The following FARS2 variants were observed in gnomAD, a reference collection of about 807,000 sequenced individuals.
The protein encoded by FARS2 is phenylalanine--tRNA ligase, mitochondrial.
FARS2 carries 40 observed loss-of-function variants against 46.4 expected under a neutral mutation model. That is an observed-to-expected ratio of 0.86 (90% CI 0.67 to 1.12). The LOEUF (loss-of-function observed/expected upper bound fraction) is 1.12. FARS2 is among the 50% of genes most tolerant of loss of function. The pLI is 0.00. For missense variants in FARS2, 513 were observed against 567.9 expected, an observed-to-expected ratio of 0.90 and a Z score of 0.98; for synonymous variants, 234 against 214.9, an observed-to-expected ratio of 1.09 and a Z score of -0.78.
chr6:5,647,813 C>A (rs1162198353), intron 6 of FARS2, among the ~76,000 whole-genome samples: 1 of 152,208 alleles, frequency 6.6e-6, no homozygotes, highest in Non-Finnish European at 1.5e-5. Flanking sequence ...GTGACCCAAA[C>A]CGCTTTCTAA....
chr6:5,412,357 G>A (rs1361445985), intron 3 of FARS2, among the ~76,000 whole-genome samples: 1 of 152,232 alleles, frequency 6.6e-6, no homozygotes, highest in Non-Finnish European at 1.5e-5. Flanking sequence ...CTCTGGCAAG[G>A]TAAAGGCTTC....
intron 1 of FARS2, among the ~76,000 whole-genome samples, chr6:5,266,733 C>G (rs1486016113): frequency 6.6e-6 from 1 of 152,108 alleles, no homozygotes; most frequent in Non-Finnish European, 1.5e-5. Flanking sequence ...TAGTTGGATT[C>G]TCACTTATTT....
chr6:5,767,053 A>G (rs1446770146), intron 6 of FARS2, among the ~76,000 whole-genome samples: 1 of 151,580 alleles, frequency 6.6e-6, no homozygotes. Context: ...TTGTTAATCC[A>G]TCCAAAAAAA....
intron 1 of FARS2, among the ~76,000 whole-genome samples, chr6:5,269,809 G>A (rs1014326839): frequency 6.6e-6 from 1 of 152,228 alleles, no homozygotes; most frequent in Admixed American, 6.5e-5. Context: ...ATAGTATACT[G>A]TAGACTGTTA....
intron 1 of FARS2, among the ~76,000 whole-genome samples, chr6:5,353,397 A>G (rs1757697486): frequency 6.6e-6 from 1 of 152,116 alleles, no homozygotes; most frequent in Non-Finnish European, 1.5e-5. Context: ...TACTGATTTC[A>G]TTTCTTTTGG....
chr6:5,622,906 A>G (rs1014361101), intron 6 of FARS2, among the ~76,000 whole-genome samples: 4 of 152,198 alleles, frequency 2.6e-5, no homozygotes, highest in African/African-American at 7.2e-5. Flanking sequence ...TGCTTGCTGG[A>G]TGGTTAACTA....
At chr6:5,623,582 C>A (rs370528079) in intron 6 of FARS2, among the ~76,000 whole-genome samples, 1 of 151,914 alleles carries the variant, frequency 6.6e-6, no homozygotes, top group Non-Finnish European at 1.5e-5. Flanking sequence ...CGTGGTGGCA[C>A]GCGCCTGTAA....
chr6:5,256,785 C>G (rs892475031), upstream of FARS2, among the ~76,000 whole-genome samples: 1 of 152,046 alleles, frequency 6.6e-6, no homozygotes, highest in Non-Finnish European at 1.5e-5. Context: ...AACTAAAAAA[C>G]CCTCTCTCCA....
At chr6:5,604,462 A>ACCT (rs1774714020) in intron 5 of FARS2, among the ~76,000 whole-genome samples, 2 of 152,152 alleles carry the variant, frequency 1.3e-5, no homozygotes, top group Non-Finnish European at 2.9e-5. Flanking sequence ...ACCTGTGGAA[A>ACCT]GGCAGGGGTG....
intron 4 of FARS2, among the ~76,000 whole-genome samples, chr6:5,487,101 A>G (rs1400407001): frequency 1.3e-5 from 2 of 152,198 alleles, no homozygotes; most frequent in South Asian, 2.1e-4. Context: ...GCATAAAAAG[A>G]TAACACTCAG....
At chr6:5,636,880 C>G (rs1239840199) in intron 6 of FARS2, among the ~76,000 whole-genome samples, 1 of 152,208 alleles carries the variant, frequency 6.6e-6, no homozygotes, top group Non-Finnish European at 1.5e-5. Flanking sequence ...TGAGCCACTA[C>G]GTTGACAGAA....
At chr6:5,267,751 C>CAAA (rs71540859) in intron 1 of FARS2, among the ~76,000 whole-genome samples, 1 of 109,332 alleles carries the variant, frequency 9.1e-6, no homozygotes, top group Non-Finnish European at 2.0e-5. Flanking sequence ...GAGACTGTCT[C>CAAA]AAAAAAAAAA....
intron 2 of FARS2, among the ~76,000 whole-genome samples, chr6:5,391,285 T>C (rs1760495045): frequency 6.6e-6 from 1 of 152,204 alleles, no homozygotes; most frequent in Non-Finnish European, 1.5e-5. Context: ...TATGTCATGG[T>C]ACATGTTATT....
intron 6 of FARS2, among the ~76,000 whole-genome samples, chr6:5,726,268 G>A (rs1017958630): frequency 2.6e-5 from 4 of 151,988 alleles, no homozygotes; most frequent in African/African-American, 7.3e-5. Context: ...TGCTGCCCAC[G>A]CGTAGACTTG....
intron 3 of FARS2, among the ~76,000 whole-genome samples, chr6:5,423,390 G>C (rs530187209): frequency 6.6e-6 from 1 of 151,996 alleles, no homozygotes; most frequent in African/African-American, 2.4e-5. Flanking sequence ...GTAGAGAAAC[G>C]ATCATATCAT....
intron 6 of FARS2, among the ~76,000 whole-genome samples, chr6:5,725,901 C>T (rs1760222269): frequency 6.6e-6 from 1 of 152,206 alleles, no homozygotes; most frequent in Non-Finnish European, 1.5e-5. Context: ...GGCCACTGCA[C>T]TCCAGCCTGG....
intron 6 of FARS2, among the ~76,000 whole-genome samples, chr6:5,755,296 C>T (rs1423046750): frequency 3.3e-5 from 5 of 152,148 alleles, no homozygotes; most frequent in South Asian, 2.1e-4. Context: ...CCCATCAACC[C>T]GTCATCTACA....
At chr6:5,379,489 G>C (rs1386077263) in intron 2 of FARS2, among the ~76,000 whole-genome samples, 1 of 152,178 alleles carries the variant, frequency 6.6e-6, no homozygotes, top group Non-Finnish European at 1.5e-5. Flanking sequence ...TATCTATAAG[G>C]AGGAGCTGCT....
At chr6:5,416,476 C>T (rs1473575703) in intron 3 of FARS2, among the ~76,000 whole-genome samples, 6 of 152,196 alleles carry the variant, frequency 3.9e-5, no homozygotes, top group African/African-American at 7.2e-5. Context: ...ACTCTCTATT[C>T]TGTTCCATGC....
Sources: gnomAD v4.1 joint callset for allele counts (sites outside exome capture counted in the v4.1 genomes callset) on GRCh38, gnomAD v4.1.1 for gene constraint, MANE v1.5 for transcripts, NCBI Gene and HGNC (gene_info 2026-07-23, HGNC 2026-07-21) for gene names.